The following EEA1 variants were observed in gnomAD, a reference collection of about 807,000 sequenced individuals.
EEA1 encodes the protein early endosome antigen 1.
A neutral mutation model predicts 209.2 loss-of-function variants in EEA1; 111 were observed. That is an observed-to-expected ratio of 0.53 (90% CI 0.45 to 0.62). EEA1 has a LOEUF of 0.62. Ranked by LOEUF, EEA1 falls within the 20% of genes least tolerant of loss-of-function variation. The pLI is 0.00. For missense variants in EEA1, 1,343 were observed against 1,530.8 expected, an observed-to-expected ratio of 0.88 and a Z score of 2.05; for synonymous variants, 536 against 540.6, an observed-to-expected ratio of 0.99 and a Z score of 0.12.
rs757450065 is a variant in EEA1, at chr12:92,813,033, C to T, written c.1990G>A (p.Asp664Asn). 8.1e-6 allele frequency: 13 copies of T among 1,601,576 alleles called. No individual in the cohort carries two copies. Among genetic ancestry groups the T allele is most frequent in the East Asian group, 2.2e-5 (1 of 44,590 alleles). Residue 664 changes from aspartate to asparagine, a missense_variant, in exon 16 of 29, where the codon GAT becomes AAT. Around this residue, in one of 3 missense-constraint regions of EEA1, gnomAD observed 1,307 missense variants for 1,465.5 expected, o/e 0.89. Transcript: ENST00000322349. The stretch of plus-strand genomic sequence containing the variant: ...GCTGTGTCCAAATGATTCTGAAGAT[C>T]AGCTCTTTGAGCAGTTTTTGCTGCT... The part of the protein sequence containing the change: ...AEAAKTAQRA[D>N]LQNHLDTAQN...
chr12:92,892,506 G>A (rs1208329545), intron 1 of EEA1, among the ~76,000 whole-genome samples: 1 of 150,964 alleles, frequency 6.6e-6, no homozygotes, highest in Non-Finnish European at 1.5e-5. Context: ...ATCAGAAGAT[G>A]CAGAACTAAA....
In EEA1 at chr12:92,818,206, T is replaced by C. The variant is rs1875883018; in HGVS notation, c.1728+1102A>G. Among the ~76,000 whole-genome samples the C allele has an allele frequency of 2.0e-5, 3 of 152,282 alleles. No homozygotes were observed. The South Asian group carries it at 6.2e-4, about 32-fold the overall frequency. On this transcript the variant is annotated intron_variant, in intron 14 of 28. Transcript: ENST00000322349. ...CCTGAACTTCAGTCTCTCAATTTAA[T>C]TTAATATCTCACATCCTCGGTTCAA...
intron 2 of EEA1, among the ~76,000 whole-genome samples, chr12:92,870,163 A>T (rs943571398): frequency 2.0e-5 from 3 of 152,134 alleles, no homozygotes; most frequent in African/African-American, 7.2e-5. Flanking sequence ...CACCTGCCAA[A>T]ATATCTGCCA....
intron 2 of EEA1, among the ~76,000 whole-genome samples, chr12:92,886,579 GGGGAGGGGAGAGAAGGGAA>G (rs1879411603): frequency 1.2e-5 from 1 of 81,678 alleles, no homozygotes. Flanking sequence ...AGAGAAGGGA[GGGGAGGGGAGAGAAGGGAA>G]GGGAGGGGAG....
At chr12:92,923,364 T>A (rs571177672) in intron 1 of EEA1, among the ~76,000 whole-genome samples, 94 of 151,928 alleles carry the variant, frequency 6.2e-4, no homozygotes, top group African/African-American at 1.6e-3. Flanking sequence ...AAAAAAAAAA[T>A]TTTCTGTGGC....
chr12:92,928,874 C>G (rs1881313251), intron 1 of EEA1, among the ~76,000 whole-genome samples, 169 bp downstream of exon 1: 1 of 150,800 alleles, frequency 6.6e-6, no homozygotes, highest in Middle Eastern at 3.4e-3. Context: ...CGCGCCGGCC[C>G]CACCCGCCCT....
At chr12:92,780,491 C>CAATA in intron 23 of EEA1, 80 bp from the exon 24 acceptor site, 2 of 1,004,950 alleles carry the variant, frequency 2.0e-6, no homozygotes, top group Non-Finnish European at 2.8e-6. Flanking sequence ...ATGACTGCTA[C>CAATA]TATTGATGAC....
At chr12:92,864,013 A>C (rs1257092609) in intron 3 of EEA1, among the ~76,000 whole-genome samples, 1 of 152,222 alleles carries the variant, frequency 6.6e-6, no homozygotes, top group African/African-American at 2.4e-5. Flanking sequence ...CAAAATTATT[A>C]ATTCACACAT....
chr12:92,794,451 T>C (rs1592705723), intron 21 of EEA1, among the ~76,000 whole-genome samples: 1 of 152,170 alleles, frequency 6.6e-6, no homozygotes, highest in African/African-American at 2.4e-5. Flanking sequence ...TGCAGCACTA[T>C]TCACAATAGC....
chr12:92,884,125 A>C, intron 2 of EEA1: 1 of 1,189,462 alleles, frequency 8.4e-7, no homozygotes, highest in Non-Finnish European at 1.2e-6. Context: ...ATGAAGAACA[A>C]CACCTAAGAG....
intron 1 of EEA1, among the ~76,000 whole-genome samples, chr12:92,894,961 T>C (rs980903688): frequency 1.3e-5 from 2 of 152,148 alleles, no homozygotes; most frequent in African/African-American, 4.8e-5. Flanking sequence ...AACAGGGTAA[T>C]TCTTGTTAGG....
chr12:92,782,362 C>A (rs1399667225), intron 22 of EEA1, among the ~76,000 whole-genome samples: 1 of 152,000 alleles, frequency 6.6e-6, no homozygotes, highest in African/African-American at 2.4e-5. Context: ...AATTCCAAAG[C>A]CTCCAAAAAT....
At chr12:92,912,725 T>C (rs11106742) in intron 1 of EEA1, among the ~76,000 whole-genome samples, 43,065 of 151,984 alleles carry the variant, frequency 0.28, 6,530 homozygotes, top group Non-Finnish European at 0.32. Context: ...CCTCACCCTT[T>C]CCCCATTTCC....
intron 16 of EEA1, among the ~76,000 whole-genome samples, chr12:92,812,597 T>C (rs986978017): frequency 1.3e-5 from 2 of 152,150 alleles, no homozygotes; most frequent in African/African-American, 4.8e-5. Flanking sequence ...ATTTGGGTCA[T>C]GGTCCAGTCT....
chr12:92,857,222 A>G lies in EEA1; in HGVS notation c.366+53T>C, dbSNP rs567776727. On this transcript the variant is annotated intron_variant, in intron 5 of 28. Coordinates refer to ENST00000322349, the MANE Select transcript of EEA1 (RefSeq NM_003566.4). ...AAAAAGGTATTAAGTTTAGTTTTCA[A>G]CAATAAAAATAAACAACTAATAAAC... The G allele has an allele frequency of 1.8e-5, 25 of 1,408,330 alleles. 1 individual carries two copies. The South Asian group carries it at 3.5e-4, about 20-fold the overall frequency. 87.2% of individuals were successfully genotyped at this position (1,408,330 alleles called of 1,614,324 possible).
intron 21 of EEA1, among the ~76,000 whole-genome samples, chr12:92,796,324 T>C (rs1874652673): frequency 6.6e-6 from 1 of 152,144 alleles, no homozygotes; most frequent in African/African-American, 2.4e-5. Flanking sequence ...TTATGCTATA[T>C]ATAATGTTTT....
chr12:92,852,428 A>G (rs1204563435), intron 7 of EEA1, 132 bp from the exon 8 acceptor site: 1 of 519,162 alleles, frequency 1.9e-6, no homozygotes, highest in Non-Finnish European at 3.0e-6. Flanking sequence ...AAATATATAC[A>G]GTAAATTTAT....
intron 1 of EEA1, chr12:92,895,412 G>A (rs968298616): frequency 2.6e-5 from 4 of 153,478 alleles, no homozygotes; most frequent in Middle Eastern, 5.1e-4. Context: ...TGATCCACCC[G>A]CCTCAGCCTC....
intron 10 of EEA1, among the ~76,000 whole-genome samples, chr12:92,841,244 G>A (rs1438083194): frequency 6.6e-6 from 1 of 151,840 alleles, no homozygotes; most frequent in African/African-American, 2.4e-5. Flanking sequence ...AATGTTGCTG[G>A]GAAAAATGGA....
Sources: allele counts gnomAD v4.1 joint callset (sites outside exome capture counted in the v4.1 genomes callset), GRCh38; gene constraint gnomAD v4.1.1; regional missense constraint gnomAD v4.1.1; transcripts MANE v1.5; gene names NCBI Gene and HGNC (gene_info 2026-07-23, HGNC 2026-07-21).